GPD2: variants seen among roughly 807,000 people sequenced by gnomAD.
GPD2 encodes the protein glycerol-3-phosphate dehydrogenase 2.
A neutral mutation model predicts 82.4 loss-of-function variants in GPD2; 54 were observed. That is an observed-to-expected ratio of 0.66 (90% CI 0.53 to 0.82). GPD2 has a LOEUF of 0.82. Ranked by LOEUF, GPD2 falls within the 40% of genes least tolerant of loss-of-function variation. The pLI is 0.00. For synonymous variants in GPD2, 288 were observed against 306.1 expected, an observed-to-expected ratio of 0.94 and a Z score of 0.62; for missense variants, 748 against 896.2, an observed-to-expected ratio of 0.83 and a Z score of 2.11.
intron 2 of GPD2, among the ~76,000 whole-genome samples, chr2:156,485,358 A>C (rs1683900919): frequency 6.6e-6 from 1 of 152,234 alleles, no homozygotes; most frequent in African/African-American, 2.4e-5. Flanking sequence ...GTGAAGGTAG[A>C]AATGTCTCTG....
intron 1 of GPD2, among the ~76,000 whole-genome samples, chr2:156,460,485 C>CT (rs1160151442): frequency 6.6e-6 from 1 of 152,200 alleles, no homozygotes; most frequent in Non-Finnish European, 1.5e-5. Context: ...TCTCTCTTGC[C>CT]TGTTGGAAAT....
intron 6 of GPD2, among the ~76,000 whole-genome samples, chr2:156,523,442 T>A (rs1413264409): frequency 1.3e-5 from 2 of 152,214 alleles, no homozygotes; most frequent in African/African-American, 4.8e-5. Flanking sequence ...AAAACTCAAA[T>A]ATATGCAAAA....
rs1369151752 is a variant in GPD2, at chr2:156,583,610, C to T, written c.*692C>T. The T allele has an allele frequency of 6.5e-6, 1 of 153,428 alleles. No individual in the cohort carries two copies. The highest frequency in any genetic ancestry group is 1.5e-5 in the Non-Finnish European group (1 of 68,638). 9.5% of individuals were successfully genotyped at this position (153,428 alleles called of 1,614,324 possible). A position where few individuals can be genotyped will look rare whatever the true frequency, so the allele number is the denominator to read the frequency against. On this transcript the variant is annotated 3_prime_UTR_variant, in exon 17 of 17. Transcript: ENST00000438166. ...AATCACAGGTATAAGATAAGGATAG[C>T]ATTGACATTTGCTGGGAGTTACAGT... is the stretch of plus-strand genomic sequence containing the variant.
At chr2:156,568,083 C>T (rs983063027) in intron 9 of GPD2, among the ~76,000 whole-genome samples, 4 of 152,070 alleles carry the variant, frequency 2.6e-5, no homozygotes, top group Non-Finnish European at 5.9e-5. Context: ...AGAGACAGTA[C>T]AATTTAAGAG....
intron 1 of GPD2, among the ~76,000 whole-genome samples, chr2:156,461,308 G>T (rs1345236547): frequency 6.6e-6 from 1 of 151,756 alleles, no homozygotes; most frequent in Non-Finnish European, 1.5e-5. Flanking sequence ...CCTCTATACT[G>T]CAGCTAGGGC....
intron 2 of GPD2, among the ~76,000 whole-genome samples, chr2:156,485,514 A>G (rs562846385): frequency 2.0e-5 from 3 of 152,336 alleles, no homozygotes; most frequent in African/African-American, 7.2e-5. Context: ...ACTGTATGCA[A>G]TGTAGGCGAG....
chr2:156,552,101 T>C (rs1038552926), intron 8 of GPD2, among the ~76,000 whole-genome samples: 5 of 152,190 alleles, frequency 3.3e-5, no homozygotes, highest in African/African-American at 1.2e-4. Context: ...ATGCACCTAA[T>C]TGGTACCAGA....
At chr2:156,517,769 T>G (rs1331972672) in intron 6 of GPD2, among the ~76,000 whole-genome samples, 2 of 152,308 alleles carry the variant, frequency 1.3e-5, no homozygotes, top group Non-Finnish European at 2.9e-5. Flanking sequence ...TTTTTTCCTC[T>G]ATTTGTTCCC....
intron 1 of GPD2, among the ~76,000 whole-genome samples, chr2:156,465,514 A>G (rs1386565029): frequency 6.6e-6 from 1 of 151,992 alleles, no homozygotes; most frequent in Non-Finnish European, 1.5e-5. Flanking sequence ...GGCATGTGCC[A>G]TCATGCCCAG....
At position 156,582,778 on chromosome 2, in the gene GPD2, T is replaced by G; in HGVS notation, c.2059-15T>G. On this transcript the variant is annotated splice_polypyrimidine_tract_variant and intron_variant, in intron 16 of 16. Coordinates refer to ENST00000438166, the MANE Select transcript of GPD2 (RefSeq NM_000408.5). ...TGGCCTGCGTTCTGAATCTGTTGCA[T>G]ATTTTCTCTTTAAGCTGATGAGTGC... 1 of 1,612,536 alleles carries G rather than the reference T, an allele frequency of 6.2e-7. No homozygotes were observed. The highest frequency in any genetic ancestry group is 2.2e-5 in the East Asian group (1 of 44,842).
chr2:156,540,042 TAAACAG>T (rs1686246288), intron 6 of GPD2, among the ~76,000 whole-genome samples: 2 of 152,088 alleles, frequency 1.3e-5, no homozygotes, highest in Non-Finnish European at 2.9e-5. Flanking sequence ...CTGGTTAACT[TAAACAG>T]AAAAGAAATT....
intron 13 of GPD2, among the ~76,000 whole-genome samples, chr2:156,573,248 C>A (rs1558969168): frequency 6.6e-6 from 1 of 152,148 alleles, no homozygotes. Context: ...GAGTAGGACT[C>A]TTTTCAGAGT....
chr2:156,560,827 A>G (rs1222344215), intron 9 of GPD2, among the ~76,000 whole-genome samples: 1 of 152,184 alleles, frequency 6.6e-6, no homozygotes, highest in African/African-American at 2.4e-5. Flanking sequence ...CCATTCAGTT[A>G]TTCAATTACA....
intron 13 of GPD2, among the ~76,000 whole-genome samples, chr2:156,572,357 T>A (rs939267033): frequency 2.6e-5 from 4 of 152,182 alleles, no homozygotes; most frequent in African/African-American, 7.2e-5. Flanking sequence ...AATTTTTTTT[T>A]AACAAACACT....
At chr2:156,489,667 C>T (rs1445377199) in intron 2 of GPD2, among the ~76,000 whole-genome samples, 1 of 151,960 alleles carries the variant, frequency 6.6e-6, no homozygotes, top group Non-Finnish European at 1.5e-5. Flanking sequence ...TTCCTCAGGA[C>T]ATAGAGTTTT....
At chr2:156,427,672 A>C in the GPD2 span, among the ~76,000 whole-genome samples, 1 of 152,240 alleles carries the variant, frequency 6.6e-6, no homozygotes, top group South Asian at 2.1e-4. Flanking sequence ...AAGGGAAATA[A>C]ATGGAGAAAG....
intron 8 of GPD2, among the ~76,000 whole-genome samples, chr2:156,555,791 C>G (rs1490948216): frequency 1.3e-5 from 2 of 152,116 alleles, no homozygotes; most frequent in Admixed American, 6.5e-5. Context: ...ATTATTTTCT[C>G]TAAGTAACCC....
chr2:156,556,687 T>C, intron 8 of GPD2, among the ~76,000 whole-genome samples: 1 of 152,218 alleles, frequency 6.6e-6, no homozygotes, highest in Non-Finnish European at 1.5e-5. Context: ...TTTTCATTGC[T>C]AAAGTGTTCC....
intron 6 of GPD2, among the ~76,000 whole-genome samples, chr2:156,535,163 C>T (rs1334366778): frequency 6.6e-6 from 1 of 151,822 alleles, no homozygotes; most frequent in African/African-American, 2.4e-5. Flanking sequence ...AGGCAATGGG[C>T]ATCCAGTGAA....
Sources: gnomAD v4.1 joint callset for allele counts (sites outside exome capture counted in the v4.1 genomes callset) on GRCh38, gnomAD v4.1.1 for gene constraint, MANE v1.5 for transcripts, NCBI Gene and HGNC (gene_info 2026-07-23, HGNC 2026-07-21) for gene names.